LAMC1: variants seen among roughly 807,000 people sequenced by gnomAD.
LAMC1 encodes the protein laminin subunit gamma-1.
A neutral mutation model predicts 173.6 loss-of-function variants in LAMC1; 38 were observed. The observed-to-expected ratio is 0.22, with a 90% CI of 0.17 to 0.29. The LOEUF (loss-of-function observed/expected upper bound fraction) is 0.29. LAMC1 is among the 10% of genes least tolerant of loss of function. The pLI, the probability that LAMC1 is intolerant of heterozygous loss-of-function variation, is 1.00. For missense variants in LAMC1, 1,824 were observed against 2,051.8 expected, an observed-to-expected ratio of 0.89 and a Z score of 2.14; for synonymous variants, 746 against 749.1, an observed-to-expected ratio of 1.00 and a Z score of 0.07.
intron 4 of LAMC1, among the ~76,000 whole-genome samples, chr1:183,113,469 A>G (rs962278701): frequency 1.2e-4 from 18 of 152,248 alleles, no homozygotes; most frequent in African/African-American, 4.3e-4. Flanking sequence ...TCTTCAAGAT[A>G]CTGTCTACAT....
At chr1:183,114,119 G>A (rs1212249499) in intron 4 of LAMC1, among the ~76,000 whole-genome samples, 3 of 152,132 alleles carry the variant, frequency 2.0e-5, no homozygotes, top group Non-Finnish European at 4.4e-5. Context: ...GCCCAGGCTG[G>A]TGCCCAGTGG....
chr1:183,132,310 T>TCC, intron 20 of LAMC1, 90 bp from the exon 21 acceptor site: 1 of 803,484 alleles, frequency 1.2e-6, no homozygotes, highest in Non-Finnish European at 1.9e-6. Flanking sequence ...ATAATAATAA[T>TCC]AATAATAATA....
At chr1:183,089,147 A>G (rs1037375892) in intron 1 of LAMC1, among the ~76,000 whole-genome samples, 4 of 152,208 alleles carry the variant, frequency 2.6e-5, no homozygotes, top group Non-Finnish European at 4.4e-5. Context: ...CATCAGATCA[A>G]AGAGAGCCAG....
intron 1 of LAMC1, among the ~76,000 whole-genome samples, chr1:183,031,918 G>GA (rs913589419): frequency 8.1e-5 from 12 of 147,350 alleles, no homozygotes; most frequent in Middle Eastern, 3.5e-3. Flanking sequence ...TTAAAAATAA[G>GA]AAAAAAAAAG....
chr1:183,117,240 A>G (rs1656347549), intron 8 of LAMC1, 80 bp from the exon 9 acceptor site: 2 of 1,471,906 alleles, frequency 1.4e-6, no homozygotes, highest in Admixed American at 2.1e-5. Flanking sequence ...GTGGTCTTAC[A>G]CATTTTTATG....
At chr1:183,098,500 G>C (rs1175491909) in intron 1 of LAMC1, among the ~76,000 whole-genome samples, 3 of 152,208 alleles carry the variant, frequency 2.0e-5, no homozygotes, top group African/African-American at 7.2e-5. Flanking sequence ...CACCTCCACA[G>C]AGATGTTTGT....
At chr1:183,089,125 C>T (rs1273025343) in intron 1 of LAMC1, among the ~76,000 whole-genome samples, 2 of 152,140 alleles carry the variant, frequency 1.3e-5, no homozygotes, top group African/African-American at 4.8e-5. Flanking sequence ...GTGTTGGATA[C>T]CAAGTCTCTG....
intron 1 of LAMC1, among the ~76,000 whole-genome samples, chr1:183,042,348 G>T (rs533662912): frequency 6.6e-6 from 1 of 152,248 alleles, no homozygotes; most frequent in Admixed American, 6.5e-5. Context: ...CCTCCCCAAA[G>T]TGCCATAACA....
At chr1:183,046,338 T>C (rs2102019289) in intron 1 of LAMC1, among the ~76,000 whole-genome samples, 1 of 152,196 alleles carries the variant, frequency 6.6e-6, no homozygotes, top group East Asian at 1.9e-4. Flanking sequence ...CCATGTAAAA[T>C]TTAGAATCAG....
intron 1 of LAMC1, among the ~76,000 whole-genome samples, chr1:183,084,403 A>G (rs1240613743): frequency 6.6e-6 from 1 of 152,194 alleles, no homozygotes; most frequent in Non-Finnish European, 1.5e-5. Flanking sequence ...TTAAAGCCAT[A>G]CCTACTAAGA....
At chr1:183,077,776 G>GTATATATATATA (rs68083893) in intron 1 of LAMC1, among the ~76,000 whole-genome samples, 46 of 116,520 alleles carry the variant, frequency 3.9e-4, no homozygotes, top group African/African-American at 1.2e-3. Flanking sequence ...TGGCCATTGT[G>GTATATATATATA]TATATATATA....
rs796732672 is a variant in LAMC1 at position 183,079,232 on chromosome 1, G to GTT, written c.419-24057_419-24056dup. On this transcript the variant is annotated intron_variant, in intron 1 of 27. Coordinates refer to ENST00000258341, the MANE Select transcript of LAMC1 (RefSeq NM_002293.4). ...AAGCAACTTTCTGATCTCTAATCTG[G>GTT]TTTTTTTTTTTTTTTTTTTTTTTTT... Among the ~76,000 whole-genome samples, 3 of 62,786 alleles carry GTT rather than the reference G, an allele frequency of 4.8e-5. 1 individual carries two copies. The highest frequency in any genetic ancestry group is 9.1e-5 in the Non-Finnish European group (3 of 32,824). 41.2% of individuals were successfully genotyped at this position (62,786 alleles called of 152,430 possible). A position where few individuals can be genotyped will look rare whatever the true frequency, so the allele number is the denominator to read the frequency against.
intron 1 of LAMC1, among the ~76,000 whole-genome samples, chr1:183,100,824 G>T (rs1259982314): frequency 6.6e-6 from 1 of 152,176 alleles, no homozygotes; most frequent in African/African-American, 2.4e-5. Context: ...CTGCCACAGA[G>T]CTCCCTCATT....
chr1:183,045,497 G>C (rs1558031430), intron 1 of LAMC1, among the ~76,000 whole-genome samples: 1 of 152,000 alleles, frequency 6.6e-6, no homozygotes, highest in African/African-American at 2.4e-5. Context: ...AAAAAGTTCA[G>C]TATATTTTTG....
At position 183,103,511 on chromosome 1, in the gene LAMC1, A is replaced by G. The variant is rs1205894239; in HGVS notation, c.602A>G (p.Gln201Arg). ...RGFIRTGGDE[Q>R]QALCTDEFSD... ...TTCATCAGGACAGGAGGGGACGAGC[A>G]GCAGGCCTTGTGTACTGATGAATTC... The change falls in exon 2 of 28, where the codon CAG becomes CGG. Residue 201 changes from glutamine to arginine, a missense_variant. Coordinates refer to ENST00000258341, the MANE Select transcript of LAMC1 (RefSeq NM_002293.4). The G allele has an allele frequency of 6.2e-7, 1 of 1,614,206 alleles. No individual in the cohort carries two copies. The highest frequency in any genetic ancestry group is 1.1e-5 in the South Asian group (1 of 91,076).
At chr1:183,038,238 G>A (rs1466062507) in intron 1 of LAMC1, among the ~76,000 whole-genome samples, 1 of 152,090 alleles carries the variant, frequency 6.6e-6, no homozygotes, top group East Asian at 1.9e-4. Context: ...GTTCTACCAT[G>A]TTGGCCAGGC....
intron 1 of LAMC1, among the ~76,000 whole-genome samples, chr1:183,069,977 T>C (rs1654973402): frequency 6.6e-6 from 1 of 152,192 alleles, no homozygotes; most frequent in Non-Finnish European, 1.5e-5. Flanking sequence ...GGTTGAATAA[T>C]TTTAAGTAGT....
At chr1:183,106,833 G>A (rs148329977) in intron 2 of LAMC1, among the ~76,000 whole-genome samples, 4 of 152,268 alleles carry the variant, frequency 2.6e-5, no homozygotes, top group Non-Finnish European at 5.9e-5. Context: ...ACACCACAGC[G>A]GAAGTGATCT....
intron 1 of LAMC1, among the ~76,000 whole-genome samples, chr1:183,080,239 TAAAAG>T (rs1462764294): frequency 1.3e-5 from 2 of 152,072 alleles, no homozygotes; most frequent in African/African-American, 4.8e-5. Context: ...GACTCTGTCT[TAAAAG>T]AAAAAAAAAT....
Sources: gnomAD v4.1 joint callset for allele counts (sites outside exome capture counted in the v4.1 genomes callset) on GRCh38, gnomAD v4.1.1 for gene constraint, MANE v1.5 for transcripts, NCBI Gene and HGNC (gene_info 2026-07-23, HGNC 2026-07-21) for gene names.